The following CEP170 variants were observed in gnomAD, a reference collection of about 807,000 sequenced individuals.
CEP170 encodes the protein centrosomal protein of 170 kDa.
CEP170 carries 21 observed loss-of-function variants against 151.9 expected under a neutral mutation model. The ratio of observed to expected loss-of-function variants is 0.14; its 90% CI spans 0.10 to 0.20. The LOEUF (loss-of-function observed/expected upper bound fraction) is 0.20, where lower values mean the gene tolerates loss of function less well. Among genes scored for constraint, CEP170 ranks in the 10% least tolerant of loss-of-function variants. CEP170 has a pLI of 1.00. For missense variants in CEP170, 964 were observed against 1,892.9 expected (o/e 0.51, Z 9.11); for synonymous variants, 356 against 648.8 (o/e 0.55, Z 6.86).
intron 1 of CEP170, among the ~76,000 whole-genome samples, chr1:243,247,198 A>G (rs890141164): frequency 1.3e-5 from 2 of 152,220 alleles, no homozygotes; most frequent in African/African-American, 4.8e-5. Context: ...CAGTTAAAAG[A>G]AGAAAGTCTT....
chr1:243,249,118 T>G (rs2065692381), intron 1 of CEP170, among the ~76,000 whole-genome samples: 1 of 152,172 alleles, frequency 6.6e-6, no homozygotes, highest in South Asian at 2.1e-4. Flanking sequence ...TGTATTTATA[T>G]TTGCTTGAGG....
At chr1:243,154,315 CAGT>C (rs1374921447) in intron 14 of CEP170, among the ~76,000 whole-genome samples, 2 of 152,274 alleles carry the variant, frequency 1.3e-5, no homozygotes, top group Non-Finnish European at 2.9e-5. Context: ...TTTTAGGTGA[CAGT>C]AGTTCATTTA....
rs1253393989 is a variant in CEP170, at chr1:243,231,211, CATT to C, written c.-41-5893_-41-5891del. Among the ~76,000 whole-genome samples the C allele has an allele frequency of 1.5e-3, 223 of 148,350 alleles. 2 individuals carry two copies. Among genetic ancestry groups the C allele is most frequent in the Middle Eastern group, 6.9e-3 (2 of 290 alleles). ...TCATCATTATTATTATTATTATCAT[CATT>C]ATTATTTTTTTTAAGCAAGCAGAAA... On this transcript the variant is annotated intron_variant, in intron 1 of 19. Transcript: ENST00000366542.
At chr1:243,196,179 C>T (rs917812880) in intron 7 of CEP170, among the ~76,000 whole-genome samples, 5 of 151,578 alleles carry the variant, frequency 3.3e-5, no homozygotes, top group Non-Finnish European at 7.4e-5. Context: ...ATCTTTGTAC[C>T]CTATGAAGTA....
chr1:243,212,268 G>A (rs1433263821), intron 3 of CEP170, among the ~76,000 whole-genome samples: 1 of 152,120 alleles, frequency 6.6e-6, no homozygotes, highest in Non-Finnish European at 1.5e-5. Context: ...AAACCGCAAA[G>A]GGTAAAATAT....
chr1:243,156,524 T>G (rs545724599), intron 13 of CEP170, 69 bp from the exon 14 acceptor site: 2 of 1,432,312 alleles, frequency 1.4e-6, no homozygotes, highest in Non-Finnish European at 1.9e-6. Context: ...ATAAAAGTCA[T>G]GACTTCAAAA....
chr1:243,164,947 C>T lies in CEP170; in HGVS notation c.3013G>A (p.Gly1005Ser), dbSNP rs547973402. ...RSTDVGSRAD[G>S]RKFVQSSGRI... Reference sequence around the variant, plus strand: ...CCACTGGACTGAACAAATTTACGACCATCTGCTCTTGAACCCACATCTGTG... The same window carrying T: ...CCACTGGACTGAACAAATTTACGACTATCTGCTCTTGAACCCACATCTGTG... Residue 1005 changes from glycine to serine, a missense_variant, in exon 13 of 20, where the codon GGT becomes AGT. By Grantham distance (56) the Gly-to-Ser change is moderately conservative (BLOSUM62 0). Coordinates refer to ENST00000366542, the MANE Select transcript of CEP170 (RefSeq NM_014812.3). 10 of 1,613,894 alleles carry T rather than the reference C, an allele frequency of 6.2e-6. No individual in the cohort carries two copies. The highest frequency in any genetic ancestry group is 8.5e-6 in the Non-Finnish European group (10 of 1,179,740).
chr1:243,200,972 A>C (rs1465786161), intron 4 of CEP170, 137 bp from the exon 5 acceptor site: 2 of 722,508 alleles, frequency 2.8e-6, no homozygotes, highest in Admixed American at 7.2e-5. Flanking sequence ...TGAATAGTTA[A>C]ATATTAAAAT....
At chr1:243,127,332 T>C (rs1161478243) in intron 19 of CEP170, among the ~76,000 whole-genome samples, 3 of 152,312 alleles carry the variant, frequency 2.0e-5, no homozygotes, top group Middle Eastern at 6.8e-3. Context: ...GCTGCCTATA[T>C]GGAAGGGGTC....
At chr1:243,145,206 A>G (rs1212718036) in intron 14 of CEP170, among the ~76,000 whole-genome samples, 4 of 152,256 alleles carry the variant, frequency 2.6e-5, no homozygotes, top group African/African-American at 9.6e-5. Flanking sequence ...TATAGTAGAA[A>G]CAAACTATCA....
chr1:243,182,710 G>A (rs962144848), intron 10 of CEP170, among the ~76,000 whole-genome samples: 6 of 152,080 alleles, frequency 3.9e-5, no homozygotes, highest in Non-Finnish European at 5.9e-5. Context: ...CTGTGCTTTC[G>A]AATAGGCTGT....
intron 1 of CEP170, among the ~76,000 whole-genome samples, chr1:243,247,141 A>T (rs1054070259): frequency 2.0e-5 from 3 of 152,164 alleles, no homozygotes; most frequent in Non-Finnish European, 4.4e-5. Flanking sequence ...TATTCCATGT[A>T]ACATGTGACA....
At chr1:243,144,009 A>G (rs1468073433) in intron 14 of CEP170, among the ~76,000 whole-genome samples, 1 of 152,210 alleles carries the variant, frequency 6.6e-6, no homozygotes, top group Non-Finnish European at 1.5e-5. Context: ...TAAACTTTGT[A>G]AAAACGTCAG....
intron 18 of CEP170, 99 bp downstream of exon 18, chr1:243,129,261 T>G (rs1463299210): frequency 1.0e-6 from 1 of 956,086 alleles, no homozygotes; most frequent in African/African-American, 1.7e-5. Flanking sequence ...TATATCTTCT[T>G]TTGAAAAAGC....
In CEP170 at chr1:243,150,237, G is replaced by A. The variant is rs181369386; in HGVS notation, c.3911+5984C>T. 7.0e-3 allele frequency among the ~76,000 whole-genome samples: 1,069 copies of A among 152,182 alleles called. 15 individuals carry two copies. The highest frequency in any genetic ancestry group is 0.024 in the African/African-American group (1,001 of 41,508). On this transcript the variant is annotated intron_variant, in intron 14 of 19. Coordinates refer to ENST00000366542, the MANE Select transcript of CEP170 (RefSeq NM_014812.3). The stretch of plus-strand genomic sequence containing the variant: ...GTGATCTCGGCTCACTGCAACCTCC[G>A]CTTCCCAAGTTTCAACGATTCTCCT...
At chr1:243,213,166 C>T (rs995847464) in intron 3 of CEP170, among the ~76,000 whole-genome samples, 7 of 151,214 alleles carry the variant, frequency 4.6e-5, no homozygotes, top group African/African-American at 1.7e-4. Context: ...CTCCACATTT[C>T]AAGGGCTCAA....
Position 243,171,457 on chromosome 1 carries a change from ATTTTCTTCTTTTATATT to A in CEP170, c.1716+1223_1716+1239del, listed in dbSNP as rs1203941480. Among the ~76,000 whole-genome samples the A allele has an allele frequency of 2.6e-5, 4 of 151,868 alleles. No homozygotes were observed. In the South Asian group the frequency reaches 6.2e-4, roughly 24 times the overall value. ...TTATATTTTCTTTATTTATACCTTG[ATTTTCTTCTTTTATATT>A]TTTTCTTCTTTTATTTCCTATTTTC... is the stretch of plus-strand genomic sequence containing the variant. On this transcript the variant is annotated intron_variant, in intron 11 of 19. Coordinates refer to ENST00000366542, the MANE Select transcript of CEP170 (RefSeq NM_014812.3).
chr1:243,131,722 A>G (rs1572128933), intron 17 of CEP170, among the ~76,000 whole-genome samples: 1 of 152,176 alleles, frequency 6.6e-6, no homozygotes, highest in East Asian at 1.9e-4. Context: ...ATCAATTTTA[A>G]GCTGAAAAAA....
At chr1:243,201,752 AAG>A (rs1311825893) in intron 4 of CEP170, among the ~76,000 whole-genome samples, 1 of 152,182 alleles carries the variant, frequency 6.6e-6, no homozygotes, top group African/African-American at 2.4e-5. Flanking sequence ...TGTAAATATG[AAG>A]AGTTTTGGGA....
Sources: allele counts gnomAD v4.1 joint callset (sites outside exome capture counted in the v4.1 genomes callset), GRCh38; gene constraint gnomAD v4.1.1; transcripts MANE v1.5; gene names NCBI Gene and HGNC (gene_info 2026-07-23, HGNC 2026-07-21).